SLC8A1: variants seen among roughly 807,000 people sequenced by gnomAD.
SLC8A1 encodes the protein solute carrier family 8 member A1.
Under a neutral mutation model 68.3 loss-of-function variants are expected in SLC8A1, and 18 were observed. The observed-to-expected ratio is 0.26, with a 90% confidence interval of 0.18 to 0.39. The LOEUF (loss-of-function observed/expected upper bound fraction) is 0.39, where lower values mean the gene tolerates loss of function less well. SLC8A1 is among the 10% of genes least tolerant of loss of function. SLC8A1 has a pLI of 1.00. For synonymous variants in SLC8A1, 475 were observed against 415.5 expected, an observed-to-expected ratio of 1.14 and a Z score of -1.74; for missense variants, 985 against 1,156.7, an observed-to-expected ratio of 0.85 and a Z score of 2.15.
Position 40,140,692 on chromosome 2 carries a change from T to C in SLC8A1, c.2162-1016A>G, listed in dbSNP as rs138640800. Among the ~76,000 whole-genome samples the C allele has an allele frequency of 8.6e-3, 1,310 of 152,340 alleles. 16 individuals carry two copies. The highest frequency in any genetic ancestry group is 0.03 in the African/African-American group (1,242 of 41,584). ...TCTTCTCCAGTTGACTGAGAACCCT[T>C]CCAGGGCAGGAATTCATGCATCTTT... is the stretch of plus-strand genomic sequence containing the variant. On this transcript the variant is annotated intron_variant, in intron 6 of 7. Coordinates refer to ENST00000406785, the Ensembl canonical transcript of SLC8A1.
chr2:40,496,998 G>A (rs551196282), intron 1 of SLC8A1, among the ~76,000 whole-genome samples: 5 of 151,082 alleles, frequency 3.3e-5, no homozygotes, highest in Non-Finnish European at 7.4e-5. Context: ...TGGGTGCAGC[G>A]CACCAGCATG....
chr2:40,371,657 T>A (rs7581508), intron 2 of SLC8A1, among the ~76,000 whole-genome samples: 69,868 of 152,020 alleles, frequency 0.46, 17,267 homozygotes, highest in Non-Finnish European at 0.55. Context: ...TTATCTGATT[T>A]TGGAGATAGA....
At chr2:40,360,651 G>A (rs1216588743) in intron 2 of SLC8A1, among the ~76,000 whole-genome samples, 1 of 152,152 alleles carries the variant, frequency 6.6e-6, no homozygotes, top group Non-Finnish European at 1.5e-5. Context: ...GAGGCATACA[G>A]AGGTTGAGTC....
chr2:40,373,550 C>A (rs1174696785), intron 2 of SLC8A1, among the ~76,000 whole-genome samples: 1 of 152,044 alleles, frequency 6.6e-6, no homozygotes, highest in East Asian at 1.9e-4. Flanking sequence ...TTAAGCTAGG[C>A]ATTTTTCAAG....
chr2:40,432,401 TTG>T (rs112824729), intron 1 of SLC8A1, among the ~76,000 whole-genome samples: 144 of 128,630 alleles, frequency 1.1e-3, no homozygotes, highest in Non-Finnish European at 1.8e-3. Context: ...GAGTGTGAGA[TTG>T]TGTGTGTGTG....
intron 1 of SLC8A1, among the ~76,000 whole-genome samples, chr2:40,437,510 G>T (rs1327528647): frequency 6.6e-6 from 1 of 152,032 alleles, no homozygotes; most frequent in Non-Finnish European, 1.5e-5. Context: ...TTTTCCATTT[G>T]GTCAGGAGAA....
intron 2 of SLC8A1, among the ~76,000 whole-genome samples, chr2:40,359,652 C>T (rs1159034008): frequency 3.3e-5 from 5 of 152,102 alleles, no homozygotes; most frequent in African/African-American, 9.7e-5. Flanking sequence ...AACACATCAA[C>T]AGGCTCTAGT....
chr2:40,256,364 T>C (rs406222), intron 2 of SLC8A1, among the ~76,000 whole-genome samples: 21,582 of 152,182 alleles, frequency 0.14, 1,887 homozygotes, highest in African/African-American at 0.23. Context: ...CTGGCCAAGA[T>C]ATACTTTCAT....
chr2:40,510,619 C>T (rs1349290870), intron 1 of SLC8A1, among the ~76,000 whole-genome samples: 4 of 152,082 alleles, frequency 2.6e-5, no homozygotes, highest in Non-Finnish European at 5.9e-5. Flanking sequence ...GCCATCTTTT[C>T]GTAGGCCTGT....
intron 2 of SLC8A1, among the ~76,000 whole-genome samples, chr2:40,392,236 AAGAG>A (rs921643136): frequency 1.2e-4 from 18 of 149,782 alleles, no homozygotes; most frequent in African/African-American, 4.2e-4. Flanking sequence ...AAGAAAAAGA[AAGAG>A]AAAGGAAGCA....
At chr2:40,316,801 T>C (rs2074513302) in intron 2 of SLC8A1, among the ~76,000 whole-genome samples, 1 of 152,000 alleles carries the variant, frequency 6.6e-6, no homozygotes, top group Non-Finnish European at 1.5e-5. Flanking sequence ...CATTACCCAG[T>C]GGTGGCCCAG....
intron 2 of SLC8A1, among the ~76,000 whole-genome samples, chr2:40,401,722 TG>T (rs1688812547): frequency 6.6e-6 from 1 of 152,092 alleles, no homozygotes; most frequent in African/African-American, 2.4e-5. Flanking sequence ...TTTTGCTAAC[TG>T]AATACTATAT....
chr2:40,323,083 TA>T (rs1414217132), intron 2 of SLC8A1, among the ~76,000 whole-genome samples: 2 of 152,132 alleles, frequency 1.3e-5, no homozygotes, highest in Admixed American at 1.3e-4. Flanking sequence ...TGACAGAAGG[TA>T]GGAGCATTTA....
intron 2 of SLC8A1, among the ~76,000 whole-genome samples, chr2:40,198,895 C>A (rs2053598272): frequency 6.7e-6 from 1 of 148,816 alleles, no homozygotes; most frequent in South Asian, 2.1e-4. Flanking sequence ...ATTCTTTGAG[C>A]TTTCAGAGAG....
At chr2:40,232,058 T>G (rs1384385716) in intron 2 of SLC8A1, among the ~76,000 whole-genome samples, 2 of 151,944 alleles carry the variant, frequency 1.3e-5, no homozygotes, top group Admixed American at 6.6e-5. Context: ...CCAGGAAGAT[T>G]TTAGCAGGAA....
At chr2:40,142,330 C>A (rs1252480804) in intron 6 of SLC8A1, among the ~76,000 whole-genome samples, 1 of 151,896 alleles carries the variant, frequency 6.6e-6, no homozygotes, top group East Asian at 1.9e-4. Flanking sequence ...CCAGGCTCTC[C>A]TCTTACCCAC....
At chr2:40,335,516 C>G (rs1665679219) in intron 2 of SLC8A1, among the ~76,000 whole-genome samples, 1 of 152,246 alleles carries the variant, frequency 6.6e-6, no homozygotes, top group East Asian at 1.9e-4. Context: ...ATGGGAATGA[C>G]TGACTTAATA....
intron 2 of SLC8A1, among the ~76,000 whole-genome samples, chr2:40,226,736 A>G (rs115312269): frequency 0.014 from 2,200 of 152,294 alleles, 61 homozygotes; most frequent in African/African-American, 0.05. Flanking sequence ...AAGAGAAGCA[A>G]ATGCAGGCAT....
At chr2:40,502,083 T>A (rs114220770) in intron 1 of SLC8A1, among the ~76,000 whole-genome samples, 2,830 of 152,176 alleles carry the variant, frequency 0.019, 34 homozygotes, top group African/African-American at 0.027. Flanking sequence ...TATGTTCCAT[T>A]TGGTTCTTTC....
Sources: allele counts gnomAD v4.1 joint callset (sites outside exome capture counted in the v4.1 genomes callset), GRCh38; gene constraint gnomAD v4.1.1; transcripts MANE v1.5; gene names NCBI Gene and HGNC (gene_info 2026-07-23, HGNC 2026-07-21).